NLRX1: variants seen among roughly 807,000 people sequenced by gnomAD.
The protein encoded by NLRX1 is NLR family member X1.
Under a neutral mutation model 74.2 loss-of-function variants are expected in NLRX1, and 67 were observed. The observed-to-expected ratio is 0.90, with a 90% CI of 0.74 to 1.11. NLRX1 has a LOEUF of 1.11. Ranked by LOEUF, NLRX1 falls within the 50% of genes least tolerant of loss-of-function variation. The pLI, the probability that NLRX1 is intolerant of heterozygous loss-of-function variation, is 0.00. For missense variants in NLRX1, 1,191 were observed against 1,305.4 expected, an observed-to-expected ratio of 0.91 and a Z score of 1.35; for synonymous variants, 506 against 559.1, an observed-to-expected ratio of 0.91 and a Z score of 1.34.
Position 119,183,336 on chromosome 11 carries a change from A to G in NLRX1, c.2825A>G (p.Asp942Gly). 6.2e-7 allele frequency: 1 copy of G among 1,614,228 alleles called. No individual in the cohort carries two copies. The highest frequency in any genetic ancestry group is 1.1e-5 in the South Asian group (1 of 91,088). ...GAGCTCCTACTGCGGGATCTGGAAG[A>G]TAGCCGGGGTGCCACCCTTAATCCT... ...HLELLLRDLE[D>G]SRGATLNPWR... The change falls in exon 10 of 10, where the codon GAT becomes GGT. Residue 942 changes from aspartate (D) to glycine (G), a missense_variant. Transcript: ENST00000409109. This position sits in a 1 kb window ranked among gnomAD's most constrained non-coding sequence, Gnocchi z 5.7.
In NLRX1 at chr11:119,173,365, G is replaced by T; in HGVS notation, c.230-114G>T. ...GAGTCTTGTGTGCCCACCATTGTGG[G>T]CCCCAGCATCTATGCCGTGATGTCC... On this transcript the variant is annotated intron_variant, in intron 4 of 9. Coordinates refer to ENST00000409109, the MANE Select transcript of NLRX1 (RefSeq NM_001282144.2). This position sits in a 1 kb window ranked among gnomAD's most constrained non-coding sequence, Gnocchi z 4.0. The T allele has an allele frequency of 1.8e-6, 2 of 1,141,998 alleles. No individual in the cohort carries two copies. Among genetic ancestry groups the T allele is most frequent in the South Asian group, 2.9e-5 (2 of 68,670 alleles). 70.7% of individuals were successfully genotyped at this position (1,141,998 alleles called of 1,614,324 possible). A position where few individuals can be genotyped will look rare whatever the true frequency, so the allele number is the denominator to read the frequency against.
chr11:119,178,299 G>A (rs1198802081), intron 6 of NLRX1, among the ~76,000 whole-genome samples: 5 of 152,190 alleles, frequency 3.3e-5, no homozygotes, highest in Admixed American at 6.5e-5. Context: ...GCAGGAATGG[G>A]GGAAGATATC....
At position 119,179,757 on chromosome 11, in the gene NLRX1, T is replaced by C; in HGVS notation, c.1736T>C (p.Val579Ala). Residue 579 changes from valine to alanine, a missense_variant, in exon 7 of 10, where the codon GTG becomes GCG. Transcript: ENST00000409109. ...CGGGAGGCGGTGGCTCAGGCCATGGTGCTGGAGATGTTTCGAGAGGAGGAC... is the reference window on the plus strand; with the variant it reads ...CGGGAGGCGGTGGCTCAGGCCATGGCGCTGGAGATGTTTCGAGAGGAGGAC... ...KSREAVAQAM[V>A]LEMFREEDYY... The C allele has an allele frequency of 6.2e-7, 1 of 1,613,984 alleles. No homozygotes were observed. Among genetic ancestry groups the C allele is most frequent in the South Asian group, 1.1e-5 (1 of 91,064 alleles).
In NLRX1 at chr11:119,180,018, G is replaced by A. The variant is rs774423671; in HGVS notation, c.1997G>A (p.Gly666Asp). 3.1e-6 allele frequency: 5 copies of A among 1,613,670 alleles called. No individual in the cohort carries two copies. The highest frequency in any genetic ancestry group is 2.2e-5 in the East Asian group (1 of 44,884). Residue 666 changes from glycine (G) to aspartate (D), a missense_variant, in exon 7 of 10, where the codon GGC becomes GAC. Physicochemically the swap from Gly to Asp is moderately conservative, Grantham distance 94. Transcript: ENST00000409109. ...ATCAAGAAGAAGCTGGGCAAGCTGGGCCGGCAGGTGCTGCCCCCATCAGAG... is the reference window on the plus strand; with the variant it reads ...ATCAAGAAGAAGCTGGGCAAGCTGGACCGGCAGGTGCTGCCCCCATCAGAG... The part of the protein sequence containing the change: ...QAIKKKLGKL[G>D]RQVLPPSELL...
chr11:119,170,206 C>A (rs914183592), intron 1 of NLRX1, among the ~76,000 whole-genome samples: 1 of 151,918 alleles, frequency 6.6e-6, no homozygotes. Flanking sequence ...TATAAGTAAC[C>A]TTGGACTTTT....
chr11:119,172,015 T>A (rs533165719), intron 2 of NLRX1, among the ~76,000 whole-genome samples: 1 of 151,618 alleles, frequency 6.6e-6, no homozygotes, highest in Admixed American at 6.6e-5. Flanking sequence ...GCTACATAAG[T>A]CTAGGAACTT....
In NLRX1 at chr11:119,174,439, C is replaced by T. The variant is rs1445532416; in HGVS notation, c.850-14C>T. On this transcript the variant is annotated splice_polypyrimidine_tract_variant and intron_variant, in intron 5 of 9. Coordinates refer to ENST00000409109, the MANE Select transcript of NLRX1 (RefSeq NM_001282144.2). ...ACTAAGGTCTTTCTTAACTCTCAAC[C>T]ATGCTCTTCCCAGGCCAGCATTCTG... 1 of 1,608,712 alleles carries T rather than the reference C, an allele frequency of 6.2e-7. No homozygotes were observed. Among genetic ancestry groups the T allele is most frequent in the Non-Finnish European group, 8.5e-7 (1 of 1,176,786 alleles).
In NLRX1 at chr11:119,172,400, G is replaced by T; in HGVS notation, c.115G>T (p.Gly39Trp). 1 of 1,613,864 alleles carries T rather than the reference G, an allele frequency of 6.2e-7. No individual in the cohort carries two copies. The highest frequency in any genetic ancestry group is 8.5e-7 in the Non-Finnish European group (1 of 1,179,706). ...FLIHWSWPLQ[G>W]ERPFGPPRAF... Reference sequence around the variant, plus strand: ...GATCCACTGGAGTTGGCCCCTTCAAGGGGAGCGTCCCTTTGGGCCCCCTAG... The same window carrying T: ...GATCCACTGGAGTTGGCCCCTTCAATGGGAGCGTCCCTTTGGGCCCCCTAG... Residue 39 changes from glycine to tryptophan, a missense_variant, in exon 3 of 10, where the codon GGG becomes TGG. By Grantham distance (184) the Gly-to-Trp change is radical (BLOSUM62 -2). Transcript: ENST00000409109.
Position 119,175,145 on chromosome 11 carries a change from C to A in NLRX1, c.1542C>A (p.Thr514=). 9 of 1,614,192 alleles carry A rather than the reference C, an allele frequency of 5.6e-6. No homozygotes were observed. Among genetic ancestry groups the A allele is most frequent in the Non-Finnish European group, 6.8e-6 (8 of 1,180,044 alleles). ...TTGTGCTGGGTTTGCGCAAGACGAC[C>A]CTGCAAAAGGTGGGCAAGGAAGTGG... The part of the protein sequence containing the change: ...LYIVLGLRKT[T]LQKVGKEVAE... Residue 514 remains threonine (T), a synonymous_variant, in exon 6 of 10, where the codon ACC becomes ACA. Coordinates refer to ENST00000409109, the MANE Select transcript of NLRX1 (RefSeq NM_001282144.2).
intron 8 of NLRX1, among the ~76,000 whole-genome samples, chr11:119,181,730 T>C (rs1303557618): frequency 6.6e-6 from 1 of 151,390 alleles, no homozygotes; most frequent in Admixed American, 6.6e-5. Context: ...GGGAGAAGGA[T>C]AGGGGAGTCA....
In NLRX1 at chr11:119,173,514, T is replaced by G. The variant is rs776100635; in HGVS notation, c.265T>G (p.Trp89Gly). ...GCGGCACCGCCGGAACCTGGCTGAG[T>G]GGTTCAGCCGGCTGCCCAGGGAGGA... The part of the protein sequence containing the change: ...IQRHRRNLAE[W>G]FSRLPREERQ... The change falls in exon 5 of 10, where the codon TGG becomes GGG. Residue 89 changes from tryptophan (W) to glycine (G), a missense_variant. By Grantham distance (184) the Trp-to-Gly change is radical. Coordinates refer to ENST00000409109, the MANE Select transcript of NLRX1 (RefSeq NM_001282144.2). The surrounding 1 kb of genome is among the most constrained non-coding windows in gnomAD (Gnocchi z 4.0). The G allele has an allele frequency of 6.2e-7, 1 of 1,614,004 alleles. No individual in the cohort carries two copies. The highest frequency in any genetic ancestry group is 8.5e-7 in the Non-Finnish European group (1 of 1,180,008).
chr11:119,173,570 C>T lies in NLRX1; in HGVS notation c.321C>T (p.Asp107=). ...AGTTTGGCCCAACCTTTGCCCTAGA[C>T]ACGGTCCACGTTGACCCTGTGATCC... The part of the protein sequence containing the change: ...ERQFGPTFAL[D]TVHVDPVIRE... The change falls in exon 5 of 10, where the codon GAC becomes GAT. Residue 107 remains aspartate (D), a synonymous_variant. Coordinates refer to ENST00000409109, the MANE Select transcript of NLRX1 (RefSeq NM_001282144.2). The surrounding 1 kb of genome is among the most constrained non-coding windows in gnomAD (Gnocchi z 4.0). 1 of 1,614,192 alleles carries T rather than the reference C, an allele frequency of 6.2e-7. No individual in the cohort carries two copies. The highest frequency in any genetic ancestry group is 1.3e-5 in the African/African-American group (1 of 75,064).
At position 119,174,731 on chromosome 11, in the gene NLRX1, C is replaced by G; in HGVS notation, c.1128C>G (p.Leu376=). Reference sequence around the variant, plus strand: ...GCTTCCTGCCGTCCTATTGCTGGCTCGTTTGTGCCACCTTGCACTTCCTGC... The same window carrying G: ...GCTTCCTGCCGTCCTATTGCTGGCTGGTTTGTGCCACCTTGCACTTCCTGC... The part of the protein sequence containing the change: ...AACFLPSYCW[L]VCATLHFLHA... Residue 376 remains leucine (L), a synonymous_variant, in exon 6 of 10, where the codon CTC becomes CTG. Coordinates refer to ENST00000409109, the MANE Select transcript of NLRX1 (RefSeq NM_001282144.2). The G allele has an allele frequency of 6.2e-7, 1 of 1,613,892 alleles. No individual in the cohort carries two copies. Among genetic ancestry groups the G allele is most frequent in the Non-Finnish European group, 8.5e-7 (1 of 1,180,036 alleles).
chr11:119,183,850 TTCCCC>T lies in NLRX1; in HGVS notation c.*415_*419del, dbSNP rs781317148. The T allele has an allele frequency of 1.3e-5, 10 of 780,760 alleles. No individual in the cohort carries two copies. Among genetic ancestry groups the T allele is most frequent in the Non-Finnish European group, 2.2e-5 (9 of 417,984 alleles). 48.4% of individuals were successfully genotyped at this position (780,760 alleles called of 1,614,324 possible). On this transcript the variant is annotated 3_prime_UTR_variant, in exon 10 of 10. Transcript: ENST00000409109. The surrounding 1 kb of genome is among the most constrained non-coding windows in gnomAD (Gnocchi z 5.7). ...GTCGCCATCCAGATGTGTTGGAAGC[TTCCCC>T]TCCTGCCTTATGCTCACCTGTGGAC...
Position 119,179,995 on chromosome 11 carries a change from C to A in NLRX1, c.1974C>A (p.Ile658=), listed in dbSNP as rs781709283. 6.2e-7 allele frequency: 1 copy of A among 1,613,804 alleles called. No individual in the cohort carries two copies. The highest frequency in any genetic ancestry group is 8.5e-7 in the Non-Finnish European group (1 of 1,179,996). ...ATGCCCTGGAGAATGCCCAGGCCATCAAGAAGAAGCTGGGCAAGCTGGGCC... is the reference window on the plus strand; with the variant it reads ...ATGCCCTGGAGAATGCCCAGGCCATAAAGAAGAAGCTGGGCAAGCTGGGCC... ...NLDALENAQA[I]KKKLGKLGRQ... Residue 658 remains isoleucine (I), a synonymous_variant, in exon 7 of 10, where the codon ATC becomes ATA. Coordinates refer to ENST00000409109, the MANE Select transcript of NLRX1 (RefSeq NM_001282144.2).
intron 5 of NLRX1, 100 bp downstream of exon 5, chr11:119,174,198 C>A (rs757608377): frequency 2.8e-6 from 4 of 1,426,760 alleles, no homozygotes; most frequent in South Asian, 2.7e-5. Flanking sequence ...CCCAGTGGTG[C>A]GACCCTGAGC....
Position 119,173,972 on chromosome 11 carries a change from C to T in NLRX1, c.723C>T (p.Leu241=). The change falls in exon 5 of 10, where the codon CTC becomes CTT. Residue 241 remains leucine (L), a synonymous_variant. Coordinates refer to ENST00000409109, the MANE Select transcript of NLRX1 (RefSeq NM_001282144.2). The surrounding 1 kb of genome is among the most constrained non-coding windows in gnomAD (Gnocchi z 4.0). ...AAAGSHLLFV[L]HGLEHLNLDF... is the part of the protein sequence containing the mutation. ...CTGGGTCCCACCTCCTCTTTGTGCT[C>T]CATGGCTTAGAGCATCTCAACCTCG... The T allele has an allele frequency of 1.9e-6, 3 of 1,614,138 alleles. No individual in the cohort carries two copies. The highest frequency in any genetic ancestry group is 2.5e-6 in the Non-Finnish European group (3 of 1,180,036).
At chr11:119,180,333 T>C in intron 7 of NLRX1, 45 bp downstream of exon 7, 3 of 1,452,448 alleles carry the variant, frequency 2.1e-6, no homozygotes, top group Non-Finnish European at 2.8e-6. Flanking sequence ...GGAAGAGGGT[T>C]GGAGGTGAAG....
chr11:119,173,109 CCTCT>C lies in NLRX1; in HGVS notation c.229+130_229+133del, dbSNP rs139298922. ...CCATCTTCCATCGGTGGTCCCTCCT[CCTCT>C]CTCTCTCTCCCTCCCATCCGTCTAT... On this transcript the variant is annotated intron_variant, in intron 4 of 9. Transcript: ENST00000409109. The surrounding 1 kb of genome is among the most constrained non-coding windows in gnomAD (Gnocchi z 4.0). 4.0e-6 allele frequency: 3 copies of C among 744,652 alleles called. No individual in the cohort carries two copies. The highest frequency in any genetic ancestry group is 4.7e-6 in the Non-Finnish European group (2 of 427,670). The allele number at this position is 744,652 out of a possible 1,614,324, so 46.1% of individuals were successfully genotyped here. A position where few individuals can be genotyped will look rare whatever the true frequency, so the allele number is the denominator to read the frequency against.
Sources: allele counts gnomAD v4.1 joint callset (sites outside exome capture counted in the v4.1 genomes callset), GRCh38; gene constraint gnomAD v4.1.1; non-coding constraint Gnocchi (gnomAD v3.1); transcripts MANE v1.5; gene names NCBI Gene and HGNC (gene_info 2026-07-23, HGNC 2026-07-21).